Variants in PRRX2 observed in about 807,000 individuals in gnomAD.
PRRX2 encodes paired mesoderm homeobox protein 2.
A neutral mutation model predicts 18.0 loss-of-function variants in PRRX2; 11 were observed. The ratio of observed to expected loss-of-function variants is 0.61; its 90% CI spans 0.39 to 1.01. The LOEUF is 1.01. PRRX2 is among the 50% of genes least tolerant of loss of function. The pLI, the probability that PRRX2 is intolerant of heterozygous loss-of-function variation, is 0.01. For missense variants in PRRX2, 387 were observed against 351.0 expected (o/e 1.10, Z -0.82); for synonymous variants, 177 against 154.8 (o/e 1.14, Z -1.06).
intron 1 of PRRX2, among the ~76,000 whole-genome samples, chr9:129,678,216 G>A (rs915251463): frequency 2.0e-5 from 3 of 152,024 alleles, no homozygotes; most frequent in East Asian, 1.9e-4. Flanking sequence ...CGCCTGCCTC[G>A]ACCTCCCAAA....
At chr9:129,677,489 G>T (rs71499473) in intron 1 of PRRX2, among the ~76,000 whole-genome samples, 3,402 of 152,308 alleles carry the variant, frequency 0.022, 52 homozygotes, top group Middle Eastern at 0.065. Flanking sequence ...GGGATGGGGG[G>T]GTTCCTCCCC....
intron 1 of PRRX2, among the ~76,000 whole-genome samples, chr9:129,689,344 G>T (rs1457293465): frequency 6.6e-6 from 1 of 152,206 alleles, no homozygotes; most frequent in Non-Finnish European, 1.5e-5. Context: ...TCTCAGGACT[G>T]CCAGATTTCG....
chr9:129,685,317 G>A (rs368482476), intron 1 of PRRX2, among the ~76,000 whole-genome samples: 2 of 152,230 alleles, frequency 1.3e-5, no homozygotes, highest in African/African-American at 2.4e-5. Context: ...TCCGCTTGCC[G>A]TGCCATCACA....
intron 1 of PRRX2, among the ~76,000 whole-genome samples, chr9:129,673,689 C>G (rs567121555): frequency 1.3e-5 from 2 of 152,102 alleles, no homozygotes; most frequent in Non-Finnish European, 2.9e-5. Context: ...GGCACACACA[C>G]GCCCCTCATC....
intron 1 of PRRX2, among the ~76,000 whole-genome samples, chr9:129,681,033 G>A (rs1222481589): frequency 2.6e-5 from 4 of 152,252 alleles, no homozygotes; most frequent in Non-Finnish European, 5.9e-5. Context: ...GTTCAGATTT[G>A]CAGCCTGGAG....
At chr9:129,684,511 CACACACACACA>C (rs1832277706) in intron 1 of PRRX2, among the ~76,000 whole-genome samples, 1 of 49,008 alleles carries the variant, frequency 2.0e-5, no homozygotes, top group Non-Finnish European at 5.0e-5. Context: ...CACACACACA[CACACACACACA>C]CCCACACACA....
At chr9:129,690,812 A>C (rs1359479906) in intron 1 of PRRX2, among the ~76,000 whole-genome samples, 1 of 151,684 alleles carries the variant, frequency 6.6e-6, no homozygotes, top group Non-Finnish European at 1.5e-5. Flanking sequence ...AGCCAGTGCC[A>C]GCTCTTAACT....
chr9:129,705,818 G>A (rs1298245316), intron 1 of PRRX2, among the ~76,000 whole-genome samples: 2 of 150,606 alleles, frequency 1.3e-5, no homozygotes, highest in Non-Finnish European at 1.5e-5. Flanking sequence ...GCTCATGCCT[G>A]TAATCCCAGC....
At chr9:129,697,737 C>T (rs1007447456) in intron 1 of PRRX2, among the ~76,000 whole-genome samples, 15 of 152,040 alleles carry the variant, frequency 9.9e-5, no homozygotes, top group Non-Finnish European at 1.8e-4. Context: ...GGCCCTGTCC[C>T]GGGGGAGGGA....
intron 1 of PRRX2, among the ~76,000 whole-genome samples, chr9:129,685,817 A>G (rs1028509911): frequency 6.6e-6 from 1 of 152,198 alleles, no homozygotes; most frequent in Non-Finnish European, 1.5e-5. Flanking sequence ...AGCACCGACA[A>G]TGTGCCAGGC....
chr9:129,691,681 CTT>C (rs57659621), intron 1 of PRRX2, among the ~76,000 whole-genome samples: 111 of 141,402 alleles, frequency 7.8e-4, no homozygotes, highest in African/African-American at 1.7e-3. Flanking sequence ...TTTAAATATA[CTT>C]TTTTTTTTTT....
intron 1 of PRRX2, among the ~76,000 whole-genome samples, chr9:129,684,532 A>ACCCC (rs1554723052): frequency 2.8e-5 from 4 of 140,372 alleles, no homozygotes; most frequent in African/African-American, 8.6e-5. Context: ...ACCCACACAC[A>ACCCC]CCCCAACAGA....
chr9:129,719,228 C>A lies in PRRX2; in HGVS notation c.260-3C>A. 2.5e-6 allele frequency: 4 copies of A among 1,579,674 alleles called. No homozygotes were observed. Among genetic ancestry groups the A allele is most frequent in the Non-Finnish European group, 3.4e-6 (4 of 1,162,442 alleles). On this transcript the variant is annotated splice_polypyrimidine_tract_variant and splice_region_variant and intron_variant, in intron 1 of 3. Transcript: ENST00000372469. ...GACCATCCCGCCCCCCCAACCTCCG[C>A]AGGTGAGTGTCCCAGCCCGGGGCGC... is the stretch of plus-strand genomic sequence containing the variant.
At chr9:129,714,573 G>A (rs1832679130) in intron 1 of PRRX2, among the ~76,000 whole-genome samples, 1 of 152,186 alleles carries the variant, frequency 6.6e-6, no homozygotes. Context: ...CCTGGGCAGA[G>A]CTGACTTGGG....
intron 1 of PRRX2, among the ~76,000 whole-genome samples, chr9:129,682,871 G>A (rs541747192): frequency 2.0e-5 from 3 of 152,234 alleles, no homozygotes; most frequent in South Asian, 2.1e-4. Flanking sequence ...TTGGGAGGCC[G>A]GAGTGGGCGG....
In PRRX2 at chr9:129,675,511, C is replaced by T. The variant is rs772700016; in HGVS notation, c.259+9385C>T. Reference sequence around the variant, plus strand: ...CGGCACCTCCTGCCCCCCTGCTACCCTCCCTCCCCCATGGGGTCCCCTCAA... The same window carrying T: ...CGGCACCTCCTGCCCCCCTGCTACCTTCCCTCCCCCATGGGGTCCCCTCAA... On this transcript the variant is annotated intron_variant, in intron 1 of 3. Transcript: ENST00000372469. The surrounding 1 kb of genome is among the most constrained non-coding windows in gnomAD (Gnocchi z 4.4). 6.6e-6 allele frequency among the ~76,000 whole-genome samples: 1 copy of T among 152,052 alleles called. No homozygotes were observed. The highest frequency in any genetic ancestry group is 1.5e-5 in the Non-Finnish European group (1 of 67,964).
intron 1 of PRRX2, among the ~76,000 whole-genome samples, chr9:129,673,782 A>C (rs1832130399): frequency 6.6e-6 from 1 of 152,216 alleles, no homozygotes; most frequent in African/African-American, 2.4e-5. Context: ...GTAGATGGGC[A>C]GATACATCTG....
intron 1 of PRRX2, among the ~76,000 whole-genome samples, chr9:129,679,278 C>T (rs971610807): frequency 1.3e-5 from 2 of 152,120 alleles, no homozygotes; most frequent in Non-Finnish European, 2.9e-5. Flanking sequence ...ATCCTGTATT[C>T]CACAAGGAAT....
intron 3 of PRRX2, among the ~76,000 whole-genome samples, chr9:129,721,021 CTG>C (rs1314435356): frequency 3.0e-4 from 46 of 152,308 alleles, no homozygotes; most frequent in East Asian, 1.9e-4. Flanking sequence ...GCACACATGA[CTG>C]TGAGTGTGCA....
Sources: gnomAD v4.1 joint callset for allele counts (sites outside exome capture counted in the v4.1 genomes callset) on GRCh38, gnomAD v4.1.1 for gene constraint, Gnocchi (gnomAD v3.1) non-coding constraint, MANE v1.5 for transcripts, NCBI Gene and HGNC (gene_info 2026-07-23, HGNC 2026-07-21) for gene names.